Variants in ADCY2 observed in about 807,000 individuals in gnomAD.
The protein encoded by ADCY2 is adenylate cyclase 2.
ADCY2 carries 31 observed loss-of-function variants against 125.2 expected under a neutral mutation model. That is an observed-to-expected ratio of 0.25 (90% CI 0.19 to 0.33). The LOEUF is 0.33. Among genes scored for constraint, ADCY2 ranks in the 10% least tolerant of loss-of-function variants. ADCY2 has a pLI of 1.00. For synonymous variants in ADCY2, 512 were observed against 548.4 expected (o/e 0.93, Z 0.93); for missense variants, 904 against 1,418.2 (o/e 0.64, Z 5.82).
chr5:7,653,945 C>T (rs934340961), intron 4 of ADCY2: 2 of 397,932 alleles, frequency 5.0e-6, no homozygotes, highest in Non-Finnish European at 1.0e-5. Flanking sequence ...TTCTAGACTT[C>T]ATTGTGAGGA....
intron 4 of ADCY2, among the ~76,000 whole-genome samples, chr5:7,672,324 A>C (rs1739963147): frequency 6.6e-6 from 1 of 152,224 alleles, no homozygotes; most frequent in Non-Finnish European, 1.5e-5. Flanking sequence ...TATTGTCCTT[A>C]ATTCAATTGT....
chr5:7,565,599 T>C (rs1413605999), intron 3 of ADCY2, among the ~76,000 whole-genome samples: 3 of 152,214 alleles, frequency 2.0e-5, no homozygotes. Flanking sequence ...CAATTGTAGT[T>C]TGAGCTACAA....
chr5:7,406,142 C>T (rs1318718734), intron 1 of ADCY2, among the ~76,000 whole-genome samples: 5 of 152,084 alleles, frequency 3.3e-5, no homozygotes, highest in African/African-American at 7.2e-5. Context: ...TTACAGGCAT[C>T]AGCCTCTGTG....
At chr5:7,793,607 CCTCACTG>C (rs66570767) in intron 20 of ADCY2, 47,712 of 152,064 alleles carry the variant, frequency 0.31, 8,691 homozygotes, top group Non-Finnish European at 0.42. Flanking sequence ...TTTGGCACTG[CCTCACTG>C]CAAGGGCAGC....
intron 1 of ADCY2, among the ~76,000 whole-genome samples, chr5:7,413,306 C>CT (rs1173486518): frequency 1.3e-5 from 2 of 150,322 alleles, no homozygotes; most frequent in African/African-American, 2.4e-5. Flanking sequence ...TTTCTTTTTT[C>CT]TTTTTTGAGA....
intron 18 of ADCY2, among the ~76,000 whole-genome samples, 168 bp downstream of exon 18, chr5:7,773,269 T>G (rs1743613123): frequency 6.6e-6 from 1 of 152,236 alleles, no homozygotes; most frequent in Admixed American, 6.5e-5. Flanking sequence ...GTTTTTGTTA[T>G]AGATTACATC....
intron 3 of ADCY2, among the ~76,000 whole-genome samples, chr5:7,525,483 T>A (rs1369601077): frequency 1.3e-5 from 2 of 152,132 alleles, no homozygotes; most frequent in Non-Finnish European, 2.9e-5. Flanking sequence ...AGGCCTAAAA[T>A]CAACCCTCTC....
chr5:7,625,647 T>A (rs1232801877), intron 3 of ADCY2, among the ~76,000 whole-genome samples: 1 of 152,176 alleles, frequency 6.6e-6, no homozygotes, highest in Non-Finnish European at 1.5e-5. Flanking sequence ...GCAAATACAG[T>A]TTTGGTGTGA....
intron 3 of ADCY2, among the ~76,000 whole-genome samples, chr5:7,562,212 T>C (rs1175204574): frequency 6.6e-6 from 1 of 152,008 alleles, no homozygotes; most frequent in African/African-American, 2.4e-5. Context: ...TTTTGTTCTG[T>C]TTTTTCCACA....
chr5:7,803,319 G>A (rs182650382), intron 21 of ADCY2, among the ~76,000 whole-genome samples: 49 of 152,346 alleles, frequency 3.2e-4, no homozygotes, highest in Admixed American at 3.2e-3. Flanking sequence ...TTGCTCATCT[G>A]TCTTAAATTA....
intron 4 of ADCY2, among the ~76,000 whole-genome samples, chr5:7,679,731 G>A (rs1044516028): frequency 6.6e-6 from 1 of 152,208 alleles, no homozygotes; most frequent in African/African-American, 2.4e-5. Context: ...TAAACGGAGG[G>A]ACAGCTTTTG....
chr5:7,516,380 T>A (rs1329786003), intron 2 of ADCY2, among the ~76,000 whole-genome samples: 1 of 152,174 alleles, frequency 6.6e-6, no homozygotes, highest in Non-Finnish European at 1.5e-5. Context: ...TTCTGTAAAC[T>A]TGATATCAGT....
chr5:7,489,814 A>T (rs1743091166), intron 2 of ADCY2, among the ~76,000 whole-genome samples: 1 of 150,758 alleles, frequency 6.6e-6, no homozygotes, highest in African/African-American at 2.4e-5. Flanking sequence ...TTTCTGCTTC[A>T]GTGTGTGTGT....
intron 4 of ADCY2, among the ~76,000 whole-genome samples, chr5:7,668,696 T>G (rs1739836556): frequency 6.6e-6 from 1 of 152,210 alleles, no homozygotes; most frequent in South Asian, 2.1e-4. Context: ...GAAAAGAGTA[T>G]GGCATTACTT....
rs531611489 is a variant in ADCY2 at position 7,477,082 on chromosome 5, G to A, written c.409-43656G>A. Reference sequence around the variant, plus strand: ...GCATCTAGTAAAGCTTGTTCCACACGTAACATTACCTCGCTCTTGTTCTTA... The same window carrying A: ...GCATCTAGTAAAGCTTGTTCCACACATAACATTACCTCGCTCTTGTTCTTA... On this transcript the variant is annotated intron_variant, in intron 2 of 24. Transcript: ENST00000338316. Among the ~76,000 whole-genome samples the A allele has an allele frequency of 2.0e-5, 3 of 152,200 alleles. No homozygotes were observed. The South Asian group carries it at 6.2e-4, about 32-fold the overall frequency.
rs184967410 is a variant in ADCY2, at chr5:7,783,885, A to G, written c.2385-480A>G. On this transcript the variant is annotated intron_variant, in intron 18 of 24. Coordinates refer to ENST00000338316, the MANE Select transcript of ADCY2 (RefSeq NM_020546.3). ...TTATGCCTTTGTGATACAAAATCAT[A>G]TGAAAGAGTGAATAAGATTGGATGA... is the stretch of plus-strand genomic sequence containing the variant. 2.2e-3 allele frequency among the ~76,000 whole-genome samples: 337 copies of G among 152,328 alleles called. 2 individuals are homozygous for G. The highest frequency in any genetic ancestry group is 7.5e-3 in the African/African-American group (312 of 41,582).
At chr5:7,747,449 C>T (rs1296490765) in intron 15 of ADCY2, among the ~76,000 whole-genome samples, 3 of 152,176 alleles carry the variant, frequency 2.0e-5, no homozygotes, top group African/African-American at 7.2e-5. Flanking sequence ...TCCCTCATCT[C>T]ATGGAGGCCA....
intron 4 of ADCY2, among the ~76,000 whole-genome samples, chr5:7,636,097 C>A (rs932771368): frequency 6.6e-6 from 1 of 152,226 alleles, no homozygotes; most frequent in East Asian, 1.9e-4. Context: ...GGCAGCCACT[C>A]TCCCAGAGAG....
At chr5:7,822,801 C>T (rs1745343457) in intron 24 of ADCY2, among the ~76,000 whole-genome samples, 1 of 152,136 alleles carries the variant, frequency 6.6e-6, no homozygotes, top group Non-Finnish European at 1.5e-5. Flanking sequence ...TCACGTTTCA[C>T]CCCCGTTATG....
Sources: allele counts gnomAD v4.1 joint callset (sites outside exome capture counted in the v4.1 genomes callset), GRCh38; gene constraint gnomAD v4.1.1; transcripts MANE v1.5; gene names NCBI Gene and HGNC (gene_info 2026-07-23, HGNC 2026-07-21).